DUSP10: variants seen among roughly 807,000 people sequenced by gnomAD.
The protein encoded by DUSP10 is dual specificity phosphatase 10.
DUSP10 carries 14 observed loss-of-function variants against 30.8 expected under a neutral mutation model. That is an observed-to-expected ratio of 0.46 (90% CI 0.30 to 0.71). The LOEUF (loss-of-function observed/expected upper bound fraction) is 0.71, where lower values mean the gene tolerates loss of function less well. Ranked by LOEUF, DUSP10 falls within the 30% of genes least tolerant of loss-of-function variation. The pLI, the probability that DUSP10 is intolerant of heterozygous loss-of-function variation, is 0.08. For synonymous variants in DUSP10, 254 were observed against 250.4 expected, an observed-to-expected ratio of 1.01 and a Z score of -0.14; for missense variants, 550 against 619.4, an observed-to-expected ratio of 0.89 and a Z score of 1.19.
intron 2 of DUSP10, among the ~76,000 whole-genome samples, chr1:221,729,889 G>C (rs372977325): frequency 6.6e-6 from 1 of 152,176 alleles, no homozygotes; most frequent in East Asian, 1.9e-4. Context: ...CTTCAGGGAA[G>C]GCCCTCTTAG....
In DUSP10 at chr1:221,702,708, GGGAA is replaced by G. The variant is rs1283847587; in HGVS notation, c.1184-35_1184-32del. The G allele has an allele frequency of 6.2e-7, 1 of 1,608,624 alleles. No homozygotes were observed. The highest frequency in any genetic ancestry group is 1.3e-5 in the African/African-American group (1 of 74,798). ...AAAAGGGAGAAAGACAAGAGATGAAGGGAAGATGGAAGAGAGAGGCACGGAGAGA... is the reference window on the plus strand; with the variant it reads ...AAAAGGGAGAAAGACAAGAGATGAAGGATGGAAGAGAGAGGCACGGAGAGA... On this transcript the variant is annotated intron_variant, in intron 3 of 3. Coordinates refer to ENST00000366899, the MANE Select transcript of DUSP10 (RefSeq NM_007207.6). The surrounding 1 kb of genome is among the most constrained non-coding windows in gnomAD (Gnocchi z 4.5).
In DUSP10 at chr1:221,707,087, G is replaced by C. The variant is rs915115111; in HGVS notation, c.812-621C>G. 2.0e-5 allele frequency among the ~76,000 whole-genome samples: 3 copies of C among 152,322 alleles called. No homozygotes were observed. In the South Asian group the frequency reaches 6.2e-4, roughly 32 times the overall value. On this transcript the variant is annotated intron_variant, in intron 2 of 3. Transcript: ENST00000366899. ...TTCAGTTCCACCATCTGTAAACTGA[G>C]GGTGATGGTGTCTCCCTTTGAGTGC...
intron 2 of DUSP10, among the ~76,000 whole-genome samples, chr1:221,717,141 T>C (rs559113558): frequency 6.6e-6 from 1 of 152,262 alleles, no homozygotes; most frequent in Admixed American, 6.5e-5. Context: ...TTGGGGTTCA[T>C]GGACAGCCTC....
chr1:221,741,613 T>C (rs548347061), intron 1 of DUSP10, among the ~76,000 whole-genome samples: 1 of 152,226 alleles, frequency 6.6e-6, no homozygotes, highest in East Asian at 1.9e-4. Context: ...TCCCCATTCC[T>C]GGAGCACTTA....
chr1:221,718,116 G>T (rs1039271257), intron 2 of DUSP10, among the ~76,000 whole-genome samples: 6 of 149,400 alleles, frequency 4.0e-5, no homozygotes, highest in African/African-American at 1.2e-4. Flanking sequence ...GGTGGGGGTG[G>T]GGGCGGGGGC....
chr1:221,713,410 A>C (rs1052271710), intron 2 of DUSP10, among the ~76,000 whole-genome samples: 5 of 152,238 alleles, frequency 3.3e-5, no homozygotes, highest in African/African-American at 1.2e-4. Flanking sequence ...CCTTGAAAAA[A>C]AAGACATTTT....
chr1:221,727,323 TAAC>T (rs1558123908), intron 2 of DUSP10, among the ~76,000 whole-genome samples: 1 of 152,226 alleles, frequency 6.6e-6, no homozygotes, highest in Non-Finnish European at 1.5e-5. Context: ...TTTGCTTATT[TAAC>T]AACAACTCAG....
chr1:221,737,035 C>T, intron 2 of DUSP10: 1 of 985,472 alleles, frequency 1.0e-6, no homozygotes, highest in Non-Finnish European at 1.2e-6. Flanking sequence ...GCTGCATCCA[C>T]AGGAAAGGGA....
Position 221,706,701 on chromosome 1 carries a change from G to C in DUSP10, c.812-235C>G, listed in dbSNP as rs1256549181. ...GGAGTATCACTGCATGGAACACTTT[G>C]GAAATGTGCTCTTTCTACAAATGAG... On this transcript the variant is annotated intron_variant, in intron 2 of 3. Coordinates refer to ENST00000366899, the MANE Select transcript of DUSP10 (RefSeq NM_007207.6). The surrounding 1 kb of genome is among the most constrained non-coding windows in gnomAD (Gnocchi z 4.6). 6.6e-6 allele frequency among the ~76,000 whole-genome samples: 1 copy of C among 152,154 alleles called. No individual in the cohort carries two copies. The highest frequency in any genetic ancestry group is 2.4e-5 in the African/African-American group (1 of 41,422).
chr1:221,702,606 C>T lies in DUSP10; in HGVS notation c.1255G>A (p.Val419Ile), dbSNP rs116590328. 38 of 1,614,086 alleles carry T rather than the reference C, an allele frequency of 2.4e-5. No homozygotes were observed. In the East Asian group the frequency reaches 3.6e-4, roughly 15 times the overall value. Residue 419 changes from valine (V) to isoleucine (I), a missense_variant, in exon 4 of 4, where the codon GTC becomes ATC. Transcript: ENST00000366899. This position sits in a 1 kb window ranked among gnomAD's most constrained non-coding sequence, Gnocchi z 4.5. Reference sequence around the variant, plus strand: ...GTGTGCTTCATCAAGTAAGCGATGACGATGGTGGCGGAGCGGGACACCCCA... The same window carrying T: ...GTGTGCTTCATCAAGTAAGCGATGATGATGGTGGCGGAGCGGGACACCCCA... The part of the protein sequence containing the change: ...QAGVSRSATI[V>I]IAYLMKHTRM...
chr1:221,703,223 A>G (rs928812607), intron 3 of DUSP10, among the ~76,000 whole-genome samples: 154 of 151,944 alleles, frequency 1.0e-3, no homozygotes, highest in African/African-American at 3.2e-3. Flanking sequence ...GTGTGTGTAT[A>G]TATATATATA....
chr1:221,738,912 G>C (rs1661859281), intron 2 of DUSP10, 22 bp downstream of exon 2: 5 of 1,577,222 alleles, frequency 3.2e-6, no homozygotes, highest in Non-Finnish European at 4.3e-6. Context: ...GACCGTGCTT[G>C]GGAAGGGAGC....
intron 2 of DUSP10, among the ~76,000 whole-genome samples, chr1:221,733,466 T>C (rs924637563): frequency 6.6e-6 from 1 of 152,230 alleles, no homozygotes; most frequent in African/African-American, 2.4e-5. Flanking sequence ...ATGATTAAGT[T>C]AATTAACTGT....
intron 2 of DUSP10, among the ~76,000 whole-genome samples, chr1:221,731,600 CTTTTT>C (rs917122714): frequency 1.7e-5 from 2 of 119,230 alleles, no homozygotes; most frequent in Middle Eastern, 4.6e-3. Flanking sequence ...TAGGCTATTT[CTTTTT>C]TTTTTTTTTT....
chr1:221,730,728 C>A lies in DUSP10; in HGVS notation c.811+8206G>T, dbSNP rs184279704. Among the ~76,000 whole-genome samples the A allele has an allele frequency of 2.0e-5, 3 of 152,050 alleles. No individual in the cohort carries two copies. In the South Asian group the frequency reaches 6.2e-4, roughly 32 times the overall value. On this transcript the variant is annotated intron_variant, in intron 2 of 3. Transcript: ENST00000366899. ...GCTCATTTCCTTATCCAAAAACATA[C>A]GCTCAAAGTTTCTTTTCTTTACTTT... is the stretch of plus-strand genomic sequence containing the variant.
In DUSP10 at chr1:221,739,539, C is replaced by A. The variant is rs775753885; in HGVS notation, c.206G>T (p.Arg69Leu). The A allele has an allele frequency of 6.2e-7, 1 of 1,614,124 alleles. No homozygotes were observed. The change falls in exon 2 of 4, where the codon CGC becomes CTC. Residue 69 changes from arginine to leucine, a missense_variant. Coordinates refer to ENST00000366899, the MANE Select transcript of DUSP10 (RefSeq NM_007207.6). ...TYMPSSSGSA[R>L]SLNCGCSSAS... ...ACTGCTGCATCCACAATTCAGCGAG[C>A]GGGCAGAGCCGCTGGATGAGGGCAT...
intron 2 of DUSP10, chr1:221,736,846 T>C (rs899335005): frequency 2.0e-6 from 2 of 985,328 alleles, no homozygotes; most frequent in African/African-American, 3.5e-5. Context: ...ATCTAACCTC[T>C]ACCACCAGAG....
chr1:221,716,401 G>C (rs1390648306), intron 2 of DUSP10, among the ~76,000 whole-genome samples: 1 of 152,160 alleles, frequency 6.6e-6, no homozygotes, highest in Non-Finnish European at 1.5e-5. Flanking sequence ...CTGCCAGAGG[G>C]GCAGGGAAGT....
At chr1:221,707,450 A>G (rs2102615681) in intron 2 of DUSP10, among the ~76,000 whole-genome samples, 1 of 152,318 alleles carries the variant, frequency 6.6e-6, no homozygotes, top group South Asian at 2.1e-4. Flanking sequence ...GGATGTGTGA[A>G]TGCATGCTTT....
Sources: allele counts gnomAD v4.1 joint callset (sites outside exome capture counted in the v4.1 genomes callset), GRCh38; gene constraint gnomAD v4.1.1; non-coding constraint Gnocchi (gnomAD v3.1); transcripts MANE v1.5; gene names NCBI Gene and HGNC (gene_info 2026-07-23, HGNC 2026-07-21).